Variants in OPCML observed in about 807,000 individuals in gnomAD.
OPCML encodes opioid-binding protein/cell adhesion molecule.
OPCML carries 13 observed loss-of-function variants against 37.8 expected under a neutral mutation model. That is an observed-to-expected ratio of 0.34 (90% CI 0.22 to 0.55). The LOEUF (loss-of-function observed/expected upper bound fraction) is 0.55. Ranked by LOEUF, OPCML falls within the 20% of genes least tolerant of loss-of-function variation. OPCML has a pLI of 0.91. For missense variants in OPCML, 341 were observed against 435.6 expected (o/e 0.78, Z 1.93); for synonymous variants, 176 against 168.8 (o/e 1.04, Z -0.33).
chr11:133,279,645 C>G (rs7108001), intron 1 of OPCML, among the ~76,000 whole-genome samples: 3,441 of 152,232 alleles, frequency 0.023, 107 homozygotes, highest in African/African-American at 0.072. Context: ...ACCCCATGCC[C>G]GGCTGCTGCT....
chr11:132,944,697 T>G (rs1591835791), intron 1 of OPCML, among the ~76,000 whole-genome samples: 1 of 152,200 alleles, frequency 6.6e-6, no homozygotes, highest in East Asian at 1.9e-4. Context: ...CTGGGGTGCT[T>G]TTGGAAGCCA....
At chr11:132,860,702 T>C (rs1223000552) in intron 2 of OPCML, 1 of 152,126 alleles carries the variant, frequency 6.6e-6, no homozygotes, top group African/African-American at 2.4e-5. Context: ...TTTCCCAGGA[T>C]TCATTTTACC....
At chr11:133,531,712 G>A (rs9667508) in intron 1 of OPCML, among the ~76,000 whole-genome samples, 2 of 151,360 alleles carry the variant, frequency 1.3e-5, no homozygotes, top group Admixed American at 6.6e-5. Flanking sequence ...CGAAGGAAGG[G>A]AGGGAGGAGG....
rs143188499 is a variant in OPCML at position 133,017,408 on chromosome 11, T to A, written c.62-74398A>T. Among the ~76,000 whole-genome samples, 714 of 152,182 alleles carry A rather than the reference T, an allele frequency of 4.7e-3. 3 individuals are homozygous for A. Among genetic ancestry groups the A allele is most frequent in the South Asian group, 0.015 (71 of 4,812 alleles). On this transcript the variant is annotated intron_variant, in intron 1 of 7. Transcript: ENST00000524381. ...CTCTTTTCCTTTTATTTATTTATTTTTTTTTTTGAGATGAAGTCTCGCTCT... is the reference window on the plus strand; with the variant it reads ...CTCTTTTCCTTTTATTTATTTATTTATTTTTTTGAGATGAAGTCTCGCTCT...
intron 1 of OPCML, among the ~76,000 whole-genome samples, chr11:133,229,282 C>T (rs1940173070): frequency 6.6e-6 from 1 of 152,150 alleles, no homozygotes; most frequent in Non-Finnish European, 1.5e-5. Flanking sequence ...ACGGTAGTCC[C>T]CCGCTTTAAC....
rs558600016 is a variant in OPCML, at chr11:133,075,470, G to A, written c.62-132460C>T. ...CCACTTCCCAAGGGCTCTGGGGGAT[G>A]AGCGGTGGGGACGCTGCCGGGAAGC... is the stretch of plus-strand genomic sequence containing the variant. On this transcript the variant is annotated intron_variant, in intron 1 of 7. Coordinates refer to ENST00000524381, the MANE Select transcript of OPCML (RefSeq NM_001012393.5). Among the ~76,000 whole-genome samples the A allele has an allele frequency of 1.8e-3, 271 of 152,288 alleles. 1 individual carries two copies. Among genetic ancestry groups the A allele is most frequent in the African/African-American group, 6.2e-3 (258 of 41,568 alleles).
chr11:133,073,261 G>C (rs931238060), intron 1 of OPCML, among the ~76,000 whole-genome samples: 1 of 152,204 alleles, frequency 6.6e-6, no homozygotes, highest in Non-Finnish European at 1.5e-5. Flanking sequence ...AGAAAAGCAA[G>C]GTGCAGCCCA....
chr11:133,433,584 A>G (rs1213539157), intron 1 of OPCML, among the ~76,000 whole-genome samples: 1 of 152,098 alleles, frequency 6.6e-6, no homozygotes, highest in Non-Finnish European at 1.5e-5. Flanking sequence ...AGTCTTACCA[A>G]CCTATGTCCA....
chr11:132,447,662 G>C (rs2096058964), intron 4 of OPCML, among the ~76,000 whole-genome samples: 1 of 152,112 alleles, frequency 6.6e-6, no homozygotes, highest in Admixed American at 6.5e-5. Context: ...CACTGGTCTG[G>C]ATCATAAACC....
chr11:133,092,394 A>G (rs1948920427), intron 1 of OPCML, among the ~76,000 whole-genome samples: 2 of 152,164 alleles, frequency 1.3e-5, no homozygotes, highest in Non-Finnish European at 2.9e-5. Flanking sequence ...TTTCAGACTG[A>G]GAACCACAAA....
Position 133,532,354 on chromosome 11 carries a change from G to T in OPCML, c.-30C>A. On this transcript the variant is annotated 5_prime_UTR_variant, in exon 1 of 8. Transcript: ENST00000524381. The stretch of plus-strand genomic sequence containing the variant: ...ACGCTGCGGTGCTCTCAGCTGCCGG[G>T]CTTGCTACTGCTTCTGCTGCTGCTA... The T allele has an allele frequency of 6.2e-7, 1 of 1,607,916 alleles. No homozygotes were observed. The highest frequency in any genetic ancestry group is 8.5e-7 in the Non-Finnish European group (1 of 1,177,160).
intron 2 of OPCML, among the ~76,000 whole-genome samples, chr11:132,658,091 C>A (rs1370509331): frequency 6.6e-6 from 1 of 152,162 alleles, no homozygotes; most frequent in Non-Finnish European, 1.5e-5. Flanking sequence ...GTGTGGATGA[C>A]CTGCAGGCTG....
chr11:132,618,475 C>T (rs1939174032), intron 3 of OPCML, among the ~76,000 whole-genome samples: 1 of 152,070 alleles, frequency 6.6e-6, no homozygotes, highest in South Asian at 2.1e-4. Context: ...TGCACTCCAG[C>T]CTGGGTGACA....
At chr11:132,490,025 CT>C (rs1331585179) in intron 4 of OPCML, among the ~76,000 whole-genome samples, 6 of 152,026 alleles carry the variant, frequency 3.9e-5, no homozygotes, top group African/African-American at 1.5e-4. Context: ...TGAACTCATC[CT>C]TTTTTACAGC....
intron 1 of OPCML, among the ~76,000 whole-genome samples, chr11:133,448,361 A>AT (rs1269936489): frequency 1.3e-5 from 2 of 152,134 alleles, no homozygotes; most frequent in South Asian, 2.1e-4. Context: ...CACGTTGGGC[A>AT]TTTTTTCCCC....
intron 4 of OPCML, among the ~76,000 whole-genome samples, chr11:132,460,269 A>G (rs550609009): frequency 6.6e-6 from 1 of 151,890 alleles, no homozygotes; most frequent in African/African-American, 2.4e-5. Flanking sequence ...AATGACTGCT[A>G]GCAAAGCCAA....
chr11:132,572,763 G>A (rs371455280), intron 3 of OPCML, among the ~76,000 whole-genome samples: 1 of 152,066 alleles, frequency 6.6e-6, no homozygotes, highest in African/African-American at 2.4e-5. Context: ...TTGTAGAATT[G>A]TTTTCTTTTT....
rs187217016 is a variant in OPCML at position 132,882,571 on chromosome 11, C to T, written c.146+60355G>A. Reference sequence around the variant, plus strand: ...CCTCACAAATCCCCCAACTTCACCCCTTTATCTCACGGGACGTATATTTAT... The same window carrying T: ...CCTCACAAATCCCCCAACTTCACCCTTTTATCTCACGGGACGTATATTTAT... On this transcript the variant is annotated intron_variant, in intron 2 of 7. Coordinates refer to ENST00000524381, the MANE Select transcript of OPCML (RefSeq NM_001012393.5). 1.8e-3 allele frequency among the ~76,000 whole-genome samples: 270 copies of T among 152,284 alleles called. 4 individuals are homozygous for T. Among genetic ancestry groups the T allele is most frequent in the African/African-American group, 6.3e-3 (262 of 41,562 alleles).
chr11:133,258,458 C>T (rs1477526442), intron 1 of OPCML, among the ~76,000 whole-genome samples: 1 of 152,146 alleles, frequency 6.6e-6, no homozygotes, highest in Non-Finnish European at 1.5e-5. Context: ...GACCTACAGG[C>T]ACAGTCTCTC....
Sources: allele counts gnomAD v4.1 joint callset (sites outside exome capture counted in the v4.1 genomes callset), GRCh38; gene constraint gnomAD v4.1.1; transcripts MANE v1.5; gene names NCBI Gene and HGNC (gene_info 2026-07-23, HGNC 2026-07-21).